Variants in ATP2C2 observed in about 807,000 individuals in gnomAD.
ATP2C2 encodes calcium-transporting ATPase type 2C member 2.
A neutral mutation model predicts 110.8 loss-of-function variants in ATP2C2; 171 were observed. That is an observed-to-expected ratio of 1.54 (90% confidence interval 1.36 to 1.75). ATP2C2 has a LOEUF of 1.75. Ranked by LOEUF, ATP2C2 falls within the 40% of genes most tolerant of loss-of-function variation. The pLI, the probability that ATP2C2 is intolerant of heterozygous loss-of-function variation, is 0.00. For synonymous variants in ATP2C2, 804 were observed against 508.4 expected (o/e 1.58, Z -7.82); for missense variants, 1,963 against 1,235.0 (o/e 1.59, Z -8.84).
intron 1 of ATP2C2, among the ~76,000 whole-genome samples, chr16:84,380,738 T>C (rs1910531130): frequency 6.6e-6 from 1 of 152,236 alleles, no homozygotes; most frequent in East Asian, 1.9e-4. Context: ...CTGTTTGTTC[T>C]TCTGTACAAT....
intron 11 of ATP2C2, among the ~76,000 whole-genome samples, chr16:84,429,902 T>C (rs1321096223): frequency 1.3e-5 from 2 of 152,124 alleles, no homozygotes; most frequent in Non-Finnish European, 2.9e-5. Flanking sequence ...TTGAAGACCC[T>C]AGGGGGAGAA....
chr16:84,400,471 C>T (rs769304231), intron 2 of ATP2C2, among the ~76,000 whole-genome samples: 9 of 151,984 alleles, frequency 5.9e-5, no homozygotes, highest in Non-Finnish European at 7.4e-5. Context: ...GGACTACAGG[C>T]GCCTGCCACC....
At chr16:84,384,315 C>T (rs531751923) in intron 1 of ATP2C2, among the ~76,000 whole-genome samples, 4 of 152,200 alleles carry the variant, frequency 2.6e-5, no homozygotes, top group South Asian at 2.1e-4. Flanking sequence ...TTAGAGATTC[C>T]GGGCTCAGAT....
chr16:84,417,649 T>C (rs554899029), intron 7 of ATP2C2, among the ~76,000 whole-genome samples: 3 of 152,190 alleles, frequency 2.0e-5, no homozygotes, highest in Admixed American at 2.0e-4. Flanking sequence ...CCCAATACTT[T>C]GGGCAGCCAA....
At chr16:84,380,726 CTCTGTTTGTTCT>C (rs1405174316) in intron 1 of ATP2C2, among the ~76,000 whole-genome samples, 1 of 152,184 alleles carries the variant, frequency 6.6e-6, no homozygotes, top group East Asian at 1.9e-4. Flanking sequence ...TTTTCCCTGC[CTCTGTTTGTTCT>C]TCTGTACAAT....
At chr16:84,460,188 C>T (rs908201489) in intron 23 of ATP2C2, 2 of 208,996 alleles carry the variant, frequency 9.6e-6, no homozygotes, top group Non-Finnish European at 1.9e-5. Flanking sequence ...TCAGCTGTGT[C>T]TGAGCGGCAG....
intron 1 of ATP2C2, among the ~76,000 whole-genome samples, chr16:84,372,016 G>A (rs908609907): frequency 1.3e-5 from 2 of 152,186 alleles, no homozygotes; most frequent in African/African-American, 4.8e-5. Context: ...ATGAATAGGA[G>A]TGGCAAAGGG....
chr16:84,449,383 G>T (rs1392907069), intron 17 of ATP2C2, among the ~76,000 whole-genome samples: 1 of 152,234 alleles, frequency 6.6e-6, no homozygotes, highest in Non-Finnish European at 1.5e-5. Context: ...CTCTTCCCGA[G>T]TGAGGGGAGC....
rs760574352 is a variant in ATP2C2, at chr16:84,422,500, C to G, written c.735C>G (p.Ile245Met). The change falls in exon 8 of 27, where the codon ATC becomes ATG. Residue 245 changes from isoleucine to methionine, a missense_variant. Ile to Met is a conservative substitution (Grantham distance 10). Transcript: ENST00000262429. ...GGGACCTCACCACCCTCAGCAACATCGTCTTCATGGGGACCCTGGTGCAGT... is the reference window on the plus strand; with the variant it reads ...GGGACCTCACCACCCTCAGCAACATGGTCTTCATGGGGACCCTGGTGCAGT... ...GGGDLTTLSN[I>M]VFMGTLVQYG... The G allele has an allele frequency of 1.9e-6, 3 of 1,614,116 alleles. No individual in the cohort carries two copies. Among genetic ancestry groups the G allele is most frequent in the Non-Finnish European group, 2.5e-6 (3 of 1,180,022 alleles).
intron 1 of ATP2C2, among the ~76,000 whole-genome samples, chr16:84,393,089 C>G (rs1305599215): frequency 1.3e-5 from 2 of 152,118 alleles, no homozygotes; most frequent in Non-Finnish European, 2.9e-5. Context: ...GGGCACGGGC[C>G]CACTTGGAGA....
Position 84,453,362 on chromosome 16 carries a change from A to G in ATP2C2, c.1971A>G (p.Lys657=), listed in dbSNP as rs1567740748. ...FFRTSPKHKL[K]IIKALQESGA... ...GGACCAGCCCAAAGCACAAGCTCAA[A>G]ATCATCAAGGTTCGCTGGGCAAGGC... The change falls in exon 20 of 27, where the codon AAA becomes AAG. Residue 657 remains lysine (K), a synonymous_variant. Transcript: ENST00000262429. 1 of 1,614,066 alleles carries G rather than the reference A, an allele frequency of 6.2e-7. No homozygotes were observed.
intron 1 of ATP2C2, among the ~76,000 whole-genome samples, chr16:84,386,278 G>A (rs145369843): frequency 6.6e-5 from 10 of 152,290 alleles, no homozygotes; most frequent in East Asian, 3.9e-4. Context: ...CATATGCTGC[G>A]AGATCTATAT....
intron 2 of ATP2C2, among the ~76,000 whole-genome samples, chr16:84,403,388 C>G (rs1905470816): frequency 6.6e-6 from 1 of 152,152 alleles, no homozygotes; most frequent in Non-Finnish European, 1.5e-5. Flanking sequence ...CCAGTGCAGC[C>G]TCCACCTCCT....
intron 11 of ATP2C2, among the ~76,000 whole-genome samples, chr16:84,436,659 C>A (rs983091225): frequency 1.3e-5 from 2 of 152,308 alleles, no homozygotes; most frequent in East Asian, 3.9e-4. Flanking sequence ...CATCTTCCCC[C>A]CTCCTCAGCC....
At chr16:84,437,975 C>G (rs74038231) in intron 11 of ATP2C2, among the ~76,000 whole-genome samples, 6,344 of 152,260 alleles carry the variant, frequency 0.042, 446 homozygotes, top group African/African-American at 0.15. Flanking sequence ...GACTCGTGCT[C>G]TGAGTGGCCT....
intron 15 of ATP2C2, among the ~76,000 whole-genome samples, chr16:84,444,748 G>C (rs964493268): frequency 6.6e-6 from 1 of 152,024 alleles, no homozygotes; most frequent in East Asian, 1.9e-4. Context: ...AGATTTCCTT[G>C]ATGTGTTATA....
intron 18 of ATP2C2, among the ~76,000 whole-genome samples, chr16:84,452,527 C>G (rs369907779): frequency 1.7e-5 from 2 of 116,552 alleles, no homozygotes; most frequent in African/African-American, 6.5e-5. Context: ...GAGATGGAGT[C>G]TTGTTCTGTT....
At chr16:84,412,520 G>A (rs1765216968) in intron 6 of ATP2C2, among the ~76,000 whole-genome samples, 2 of 148,170 alleles carry the variant, frequency 1.3e-5, no homozygotes, top group Non-Finnish European at 3.0e-5. Flanking sequence ...GTGTGTGTCT[G>A]TGTGTGCATG....
intron 24 of ATP2C2, chr16:84,461,356 C>G (rs1184569920): frequency 2.5e-6 from 1 of 394,290 alleles, no homozygotes; most frequent in Non-Finnish European, 4.7e-6. Flanking sequence ...CCAGCTCTCC[C>G]TCTACTACTG....
Sources: gnomAD v4.1 joint callset for allele counts (sites outside exome capture counted in the v4.1 genomes callset) on GRCh38, gnomAD v4.1.1 for gene constraint, MANE v1.5 for transcripts, NCBI Gene and HGNC (gene_info 2026-07-23, HGNC 2026-07-21) for gene names.